MAPK8IP2: variants seen among roughly 807,000 people sequenced by gnomAD.
MAPK8IP2 encodes the protein mitogen-activated protein kinase 8 interacting protein 2.
MAPK8IP2 carries 15 observed loss-of-function variants against 75.6 expected under a neutral mutation model. The ratio of observed to expected loss-of-function variants is 0.20; its 90% CI spans 0.13 to 0.31. The LOEUF is 0.31. Among genes scored for constraint, MAPK8IP2 ranks in the 10% least tolerant of loss-of-function variants. The pLI is 1.00. For missense variants in MAPK8IP2, 1,089 were observed against 1,211.2 expected (o/e 0.90, Z 1.50); for synonymous variants, 632 against 554.5 (o/e 1.14, Z -1.96).
chr22:50,606,761 C>T lies in MAPK8IP2; in HGVS notation c.2228C>T (p.Pro743Leu). 6.3e-7 allele frequency: 1 copy of T among 1,579,030 alleles called. No individual in the cohort carries two copies. The change falls in exon 9 of 12, where the codon CCC becomes CTC. Residue 743 changes from proline (P) to leucine (L), a missense_variant. Physicochemically the swap from Pro to Leu is moderately conservative, Grantham distance 98. Coordinates refer to ENST00000329492, the MANE Select transcript of MAPK8IP2 (RefSeq NM_012324.6). ...AAGCTGAGTCTGAGCGGAGGAGGGC[C>T]CGAGGTGGGAGTGTGGGGGACTGGG... is the stretch of plus-strand genomic sequence containing the variant. ...GVKLSLSGGG[P>L]EFQRCSHFFQ...
In MAPK8IP2 at chr22:50,610,224, C is replaced by G; in HGVS notation, c.2316C>G (p.Phe772Leu). Residue 772 changes from phenylalanine (F) to leucine (L), a missense_variant, in exon 11 of 12, where the codon TTC becomes TTG. This residue lies in a region of MAPK8IP2 where 129 missense variants were observed against 201.7 expected (regional missense o/e 0.64). Coordinates refer to ENST00000329492, the MANE Select transcript of MAPK8IP2 (RefSeq NM_012324.6). The surrounding 1 kb of genome is among the most constrained non-coding windows in gnomAD (Gnocchi z 4.3). ...CHPRNSCYFGFITKHPLLSRF... is the reference protein window; with the variant it reads ...CHPRNSCYFGLITKHPLLSRF... ...GACTTGCCCGCAGCTATTTCGGCTT[C>G]ATCACCAAACACCCCCTGCTGAGCC... 1 of 1,602,054 alleles carries G rather than the reference C, an allele frequency of 6.2e-7. No homozygotes were observed. Among genetic ancestry groups the G allele is most frequent in the Non-Finnish European group, 8.5e-7 (1 of 1,174,758 alleles).
In MAPK8IP2 at chr22:50,607,130, G is replaced by A. The variant is rs2071066535; in HGVS notation, c.2303+139G>A. ...TCCACCTGCACCCACTTAGCTCTGT[G>A]AGCTGAGCCTGCAGTGGCGCCTGCT... On this transcript the variant is annotated intron_variant, in intron 10 of 11. Transcript: ENST00000329492. This position sits in a 1 kb window ranked among gnomAD's most constrained non-coding sequence, Gnocchi z 5.6. 1 of 697,130 alleles carries A rather than the reference G, an allele frequency of 1.4e-6. No individual in the cohort carries two copies. The highest frequency in any genetic ancestry group is 2.7e-5 in the East Asian group (1 of 37,272). The allele number at this position is 697,130 out of a possible 1,614,324, so 43.2% of individuals were successfully genotyped here.
chr22:50,603,096 G>C, intron 2 of MAPK8IP2, 127 bp from the exon 3 acceptor site: 1 of 1,569,788 alleles, frequency 6.4e-7, no homozygotes, highest in East Asian at 2.3e-5. Context: ...TGTAGACAGA[G>C]GGGCAGAGTG....
chr22:50,601,702 T>C, intron 1 of MAPK8IP2, 87 bp from the exon 2 acceptor site: 1 of 935,586 alleles, frequency 1.1e-6, no homozygotes, highest in Admixed American at 1.8e-5. Context: ...GTGTAGGAGC[T>C]GACGCCTCCC....
At chr22:50,601,945 G>C in intron 2 of MAPK8IP2, 51 bp downstream of exon 2, 2 of 1,481,094 alleles carry the variant, frequency 1.4e-6, no homozygotes, top group Non-Finnish European at 1.9e-6. Flanking sequence ...GGCCTCATTA[G>C]GTTCTTCTTA....
chr22:50,613,084 G>A lies in MAPK8IP2; in HGVS notation c.*2305G>A, dbSNP rs949584025. 1 of 152,756 alleles carries A rather than the reference G, an allele frequency of 6.5e-6. No individual in the cohort carries two copies. The highest frequency in any genetic ancestry group is 2.4e-5 in the African/African-American group (1 of 41,416). 9.5% of individuals were successfully genotyped at this position (152,756 alleles called of 1,614,324 possible). On this transcript the variant is annotated 3_prime_UTR_variant, in exon 12 of 12. Coordinates refer to ENST00000329492, the MANE Select transcript of MAPK8IP2 (RefSeq NM_012324.6). Reference sequence around the variant, plus strand: ...CATGCTGGGCTTGGTCGGTTCTGGGGTCTACCTCTCTGGCTTCATCCCTCC... The same window carrying A: ...CATGCTGGGCTTGGTCGGTTCTGGGATCTACCTCTCTGGCTTCATCCCTCC...
rs1441401054 is a variant in MAPK8IP2 at position 50,607,692 on chromosome 22, C to T, written c.2303+701C>T. Among the ~76,000 whole-genome samples, 1 of 151,774 alleles carries T rather than the reference C, an allele frequency of 6.6e-6. No homozygotes were observed. Among genetic ancestry groups the T allele is most frequent in the African/African-American group, 2.4e-5 (1 of 41,300 alleles). ...GACGTCTCCCTGGGGGATGGTTGTACTGCAGCCCACACACCGAGAGGGGAT... is the reference window on the plus strand; with the variant it reads ...GACGTCTCCCTGGGGGATGGTTGTATTGCAGCCCACACACCGAGAGGGGAT... On this transcript the variant is annotated intron_variant, in intron 10 of 11. Coordinates refer to ENST00000329492, the MANE Select transcript of MAPK8IP2 (RefSeq NM_012324.6). The surrounding 1 kb of genome is among the most constrained non-coding windows in gnomAD (Gnocchi z 5.6).
At position 50,610,586 on chromosome 22, in the gene MAPK8IP2, G is replaced by T; in HGVS notation, c.2403-121G>T. The T allele has an allele frequency of 1.2e-6, 1 of 816,016 alleles. No individual in the cohort carries two copies. Among genetic ancestry groups the T allele is most frequent in the Non-Finnish European group, 2.0e-6 (1 of 501,466 alleles). 50.5% of individuals were successfully genotyped at this position (816,016 alleles called of 1,614,324 possible). ...CTTGGGGGTGACATGGCCATGCCTG[G>T]GTGGGGGGTTATGGATGGCTGCAGA... On this transcript the variant is annotated intron_variant, in intron 11 of 11. Coordinates refer to ENST00000329492, the MANE Select transcript of MAPK8IP2 (RefSeq NM_012324.6). The surrounding 1 kb of genome is among the most constrained non-coding windows in gnomAD (Gnocchi z 4.3).
Position 50,607,813 on chromosome 22 carries a change from G to A in MAPK8IP2, c.2303+822G>A, listed in dbSNP as rs1336086483. On this transcript the variant is annotated intron_variant, in intron 10 of 11. Coordinates refer to ENST00000329492, the MANE Select transcript of MAPK8IP2 (RefSeq NM_012324.6). This position sits in a 1 kb window ranked among gnomAD's most constrained non-coding sequence, Gnocchi z 5.6. ...CCTGGAGGGAAGATACCAGGTCAGA[G>A]CAGGTAGATCACTGAGACGAGAGGG... 2.6e-5 allele frequency among the ~76,000 whole-genome samples: 4 copies of A among 152,080 alleles called. No homozygotes were observed. Among genetic ancestry groups the A allele is most frequent in the Non-Finnish European group, 5.9e-5 (4 of 68,016 alleles).
chr22:50,609,389 G>T (rs892281974), intron 10 of MAPK8IP2, among the ~76,000 whole-genome samples: 1 of 152,206 alleles, frequency 6.6e-6, no homozygotes, highest in Admixed American at 6.5e-5. Context: ...AAGGGCAGAG[G>T]ATGGTGCCTG....
At position 50,612,383 on chromosome 22, in the gene MAPK8IP2, T is replaced by G. The variant is rs1427944378; in HGVS notation, c.*1604T>G. The G allele has an allele frequency of 6.6e-6, 1 of 152,112 alleles. No homozygotes were observed. Among genetic ancestry groups the G allele is most frequent in the Non-Finnish European group, 1.5e-5 (1 of 68,024 alleles). 9.4% of individuals were successfully genotyped at this position (152,112 alleles called of 1,614,324 possible). ...GGGGTCCCTCTGTCTGAGCCCAGGATTCGTGCAACACCAGGAAGACAACAG... is the reference window on the plus strand; with the variant it reads ...GGGGTCCCTCTGTCTGAGCCCAGGAGTCGTGCAACACCAGGAAGACAACAG... On this transcript the variant is annotated 3_prime_UTR_variant, in exon 12 of 12. Coordinates refer to ENST00000329492, the MANE Select transcript of MAPK8IP2 (RefSeq NM_012324.6).
At chr22:50,609,096 C>T (rs550113152) in intron 10 of MAPK8IP2, among the ~76,000 whole-genome samples, 1 of 152,256 alleles carries the variant, frequency 6.6e-6, no homozygotes, top group South Asian at 2.1e-4. Flanking sequence ...CCAGACCCCC[C>T]GTCCCCGGTC....
chr22:50,608,674 A>G (rs2071092287), intron 10 of MAPK8IP2, among the ~76,000 whole-genome samples: 1 of 143,110 alleles, frequency 7.0e-6, no homozygotes, highest in East Asian at 2.1e-4. Flanking sequence ...AGGGGCGCAG[A>G]CCAGACAGCA....
chr22:50,604,024 G>A lies in MAPK8IP2; in HGVS notation c.725G>A (p.Gly242Glu). 6.4e-7 allele frequency: 1 copy of A among 1,552,310 alleles called. No homozygotes were observed. The change falls in exon 5 of 12, where the codon GGA (glycine) becomes GAA (glutamate). Residue 242 changes from glycine (G) to glutamate (E), a missense_variant. Coordinates refer to ENST00000329492, the MANE Select transcript of MAPK8IP2 (RefSeq NM_012324.6). ...LRSRSSGGRG[G>E]RRSSQELSSP... Reference sequence around the variant, plus strand: ...AGCCGCTCGAGCGGCGGCCGCGGGGGACGTCGCAGCAGCCAGGAGCTGTCC... The same window carrying A: ...AGCCGCTCGAGCGGCGGCCGCGGGGAACGTCGCAGCAGCCAGGAGCTGTCC...
chr22:50,604,340 G>A lies in MAPK8IP2; in HGVS notation c.1041G>A (p.Ser347=), dbSNP rs1318581764. ...CGGACCTCAGCGAGGACGCGGACTC[G>A]CCCTGGCTGCTCAGCAACCTGGTGA... ...SEPDLSEDAD[S]PWLLSNLVSR... Residue 347 remains serine (S), a synonymous_variant, in exon 5 of 12, where the codon TCG becomes TCA. Transcript: ENST00000329492. 1 of 1,535,320 alleles carries A rather than the reference G, an allele frequency of 6.5e-7. No homozygotes were observed. Among genetic ancestry groups the A allele is most frequent in the East Asian group, 2.5e-5 (1 of 40,734 alleles).
intron 2 of MAPK8IP2, among the ~76,000 whole-genome samples, chr22:50,602,121 C>T (rs2070948507): frequency 1.3e-5 from 2 of 152,188 alleles, no homozygotes; most frequent in South Asian, 4.1e-4. Flanking sequence ...TCTCCCCGAC[C>T]CCATCGGTGG....
rs1293360743 is a variant in MAPK8IP2 at position 50,610,361 on chromosome 22, G to A, written c.2402+51G>A. ...GCAGAATGGGTGCAGGGTTACGGAG[G>A]TGGGGAGCGGAGGTGAGCAGGTGGG... On this transcript the variant is annotated intron_variant, in intron 11 of 11. Coordinates refer to ENST00000329492, the MANE Select transcript of MAPK8IP2 (RefSeq NM_012324.6). This position sits in a 1 kb window ranked among gnomAD's most constrained non-coding sequence, Gnocchi z 4.3. 6.8e-6 allele frequency: 10 copies of A among 1,474,216 alleles called. No homozygotes were observed. Among genetic ancestry groups the A allele is most frequent in the Non-Finnish European group, 8.4e-6 (9 of 1,076,738 alleles). 91.3% of individuals were successfully genotyped at this position (1,474,216 alleles called of 1,614,324 possible). A position where few individuals can be genotyped will look rare whatever the true frequency, so the allele number is the denominator to read the frequency against.
rs769603044 is a variant in MAPK8IP2, at chr22:50,600,895, G to T, written c.65+12G>T. On this transcript the variant is annotated intron_variant, in intron 1 of 11. Coordinates refer to ENST00000329492, the MANE Select transcript of MAPK8IP2 (RefSeq NM_012324.6). The stretch of plus-strand genomic sequence containing the variant: ...CCGCCGGGCTGCAGGTACCCCCCTC[G>T]GCGCCCGGGCCGGGCGGACCCTCCG... The T allele has an allele frequency of 8.1e-7, 1 of 1,228,608 alleles. No individual in the cohort carries two copies. The highest frequency in any genetic ancestry group is 1.0e-6 in the Non-Finnish European group (1 of 956,218). 76.1% of individuals were successfully genotyped at this position (1,228,608 alleles called of 1,614,324 possible). A position where few individuals can be genotyped will look rare whatever the true frequency, so the allele number is the denominator to read the frequency against.
At position 50,610,567 on chromosome 22, in the gene MAPK8IP2, G is replaced by T; in HGVS notation, c.2403-140G>T. On this transcript the variant is annotated intron_variant, in intron 11 of 11. Coordinates refer to ENST00000329492, the MANE Select transcript of MAPK8IP2 (RefSeq NM_012324.6). This position sits in a 1 kb window ranked among gnomAD's most constrained non-coding sequence, Gnocchi z 4.3. Reference sequence around the variant, plus strand: ...AGGAGAGCTGAGGGTCACACTTGGGGGTGACATGGCCATGCCTGGGTGGGG... The same window carrying T: ...AGGAGAGCTGAGGGTCACACTTGGGTGTGACATGGCCATGCCTGGGTGGGG... 1 of 739,616 alleles carries T rather than the reference G, an allele frequency of 1.4e-6. No homozygotes were observed. The highest frequency in any genetic ancestry group is 2.3e-6 in the Non-Finnish European group (1 of 436,946). 45.8% of individuals were successfully genotyped at this position (739,616 alleles called of 1,614,324 possible).
Sources: allele counts gnomAD v4.1 joint callset (sites outside exome capture counted in the v4.1 genomes callset), GRCh38; gene constraint gnomAD v4.1.1; regional missense constraint gnomAD v4.1.1; non-coding constraint Gnocchi (gnomAD v3.1); transcripts MANE v1.5; gene names NCBI Gene and HGNC (gene_info 2026-07-23, HGNC 2026-07-21).